Variants in SLC6A3 observed in about 807,000 individuals in gnomAD.
SLC6A3 encodes the protein solute carrier family 6 member 3.
In SLC6A3, 19 loss-of-function variants were observed where a neutral mutation model predicts 70.4. That is an observed-to-expected ratio of 0.27 (90% CI 0.19 to 0.40). The LOEUF (loss-of-function observed/expected upper bound fraction) is 0.40, where lower values mean the gene tolerates loss of function less well. Ranked by LOEUF, SLC6A3 falls within the 10% of genes least tolerant of loss-of-function variation. SLC6A3 has a pLI of 1.00. For missense variants in SLC6A3, 613 were observed against 838.5 expected, an observed-to-expected ratio of 0.73 and a Z score of 3.32; for synonymous variants, 368 against 356.6, an observed-to-expected ratio of 1.03 and a Z score of -0.36.
Position 1,421,813 on chromosome 5 carries a change from C to T in SLC6A3, c.792+63G>A, listed in dbSNP as rs1048540955. ...CACACGTGCACCTCCTGTCCAGCCA[C>T]GGCCACATGTCCACTTGGTGGCCCC... On this transcript the variant is annotated intron_variant, in intron 5 of 14. Coordinates refer to ENST00000270349, the MANE Select transcript of SLC6A3 (RefSeq NM_001044.5). This position sits in a 1 kb window ranked among gnomAD's most constrained non-coding sequence, Gnocchi z 7.2. 1.8e-5 allele frequency: 29 copies of T among 1,580,200 alleles called. No individual in the cohort carries two copies. The highest frequency in any genetic ancestry group is 6.7e-5 in the African/African-American group (5 of 74,308).
rs59814117 is a variant in SLC6A3, at chr5:1,411,594, C to T, written c.1157-239G>A. The stretch of plus-strand genomic sequence containing the variant: ...ATGCCCACCACCCAGCAATGGGGCT[C>T]CTCCAAATTACCTGGGTCCTTTTGG... On this transcript the variant is annotated intron_variant, in intron 8 of 14. Coordinates refer to ENST00000270349, the MANE Select transcript of SLC6A3 (RefSeq NM_001044.5). This position sits in a 1 kb window ranked among gnomAD's most constrained non-coding sequence, Gnocchi z 6.5. 1.9e-3 allele frequency among the ~76,000 whole-genome samples: 285 copies of T among 152,300 alleles called. No individual in the cohort carries two copies. The highest frequency in any genetic ancestry group is 9.8e-3 in the East Asian group (51 of 5,182).
At chr5:1,418,742 T>TCATCCATC (rs1382174037) in intron 6 of SLC6A3, among the ~76,000 whole-genome samples, 1 of 147,882 alleles carries the variant, frequency 6.8e-6, no homozygotes, top group African/African-American at 2.5e-5. Flanking sequence ...CACCCATCCA[T>TCATCCATC]CATCCATCCA....
At position 1,405,759 on chromosome 5, in the gene SLC6A3, G is replaced by A. The variant is rs1032051951; in HGVS notation, c.1599+429C>T. Among the ~76,000 whole-genome samples the A allele has an allele frequency of 2.6e-5, 4 of 152,250 alleles. No individual in the cohort carries two copies. In the South Asian group the frequency reaches 6.2e-4, roughly 24 times the overall value. On this transcript the variant is annotated intron_variant, in intron 12 of 14. Coordinates refer to ENST00000270349, the MANE Select transcript of SLC6A3 (RefSeq NM_001044.5). This position sits in a 1 kb window ranked among gnomAD's most constrained non-coding sequence, Gnocchi z 5.3. ...GCTGCTGAGCCAGAGGGAGGCTTGC[G>A]TGAGCAACGGGACAGGGCCGAGGCC...
rs142347092 is a variant in SLC6A3 at position 1,439,561 on chromosome 5, C to T, written c.418+1798G>A. ...GCCTGACCTCAGCAGCTGTGAAATG[C>T]CATCTGTTCCCTCTCCTAAGGGAGG... is the stretch of plus-strand genomic sequence containing the variant. On this transcript the variant is annotated intron_variant, in intron 3 of 14. Transcript: ENST00000270349. Among the ~76,000 whole-genome samples the T allele has an allele frequency of 8.8e-4, 134 of 152,342 alleles. 3 individuals carry two copies. In the East Asian group the frequency reaches 0.021, roughly 24 times the overall value.
At chr5:1,400,634 C>T (rs780168008) in intron 14 of SLC6A3, among the ~76,000 whole-genome samples, 3 of 152,188 alleles carry the variant, frequency 2.0e-5, no homozygotes, top group Non-Finnish European at 2.9e-5. Flanking sequence ...GCACTGCTCC[C>T]GTGGTCTGGG....
chr5:1,420,649 G>A lies in SLC6A3; in HGVS notation c.847C>T (p.Arg283Cys), dbSNP rs1048009481. 3 of 1,613,526 alleles carry A rather than the reference G, an allele frequency of 1.9e-6. No individual in the cohort carries two copies. The highest frequency in any genetic ancestry group is 1.7e-6 in the Non-Finnish European group (2 of 1,179,854). The change falls in exon 6 of 15, where the codon CGT (arginine) becomes TGT (cysteine). Residue 283 changes from arginine to cysteine, a missense_variant. Coordinates refer to ENST00000270349, the MANE Select transcript of SLC6A3 (RefSeq NM_001044.5). ...ATGGCTCCAGGGAGGGTGACCCCAC[G>A]CAGGAGCAGGGCAGTGAGGACCACG... Reference protein sequence around the residue: ...PYVVLTALLLRGVTLPGAIDG... With the variant: ...PYVVLTALLLCGVTLPGAIDG...
In SLC6A3 at chr5:1,436,137, A is replaced by C. The variant is rs916994868; in HGVS notation, c.419-3439T>G. Among the ~76,000 whole-genome samples the C allele has an allele frequency of 6.6e-6, 1 of 152,138 alleles. No individual in the cohort carries two copies. Among genetic ancestry groups the C allele is most frequent in the Non-Finnish European group, 1.5e-5 (1 of 68,036 alleles). Reference sequence around the variant, plus strand: ...TTGAACGGTAGTGGCCACTGTCAGCACTGGCCAGGCATTCGGTTGCTCCAA... The same window carrying C: ...TTGAACGGTAGTGGCCACTGTCAGCCCTGGCCAGGCATTCGGTTGCTCCAA... On this transcript the variant is annotated intron_variant, in intron 3 of 14. Coordinates refer to ENST00000270349, the MANE Select transcript of SLC6A3 (RefSeq NM_001044.5). The surrounding 1 kb of genome is among the most constrained non-coding windows in gnomAD (Gnocchi z 5.2).
chr5:1,437,525 C>G lies in SLC6A3; in HGVS notation c.418+3834G>C, dbSNP rs577497083. On this transcript the variant is annotated intron_variant, in intron 3 of 14. Transcript: ENST00000270349. The surrounding 1 kb of genome is among the most constrained non-coding windows in gnomAD (Gnocchi z 4.8). ...CGGAGAGTTTTAAAGACCCACCTCT[C>G]AGGACCCTGGGGTGCACTGCGGGGC... Among the ~76,000 whole-genome samples, 1 of 152,162 alleles carries G rather than the reference C, an allele frequency of 6.6e-6. No individual in the cohort carries two copies. The highest frequency in any genetic ancestry group is 1.5e-5 in the Non-Finnish European group (1 of 68,012).
chr5:1,397,596 G>A lies in SLC6A3; in HGVS notation c.1840-2838C>T, dbSNP rs1258847398. Among the ~76,000 whole-genome samples, 4 of 152,118 alleles carry A rather than the reference G, an allele frequency of 2.6e-5. No homozygotes were observed. The highest frequency in any genetic ancestry group is 2.1e-4 in the South Asian group (1 of 4,816). On this transcript the variant is annotated intron_variant, in intron 14 of 14. Coordinates refer to ENST00000270349, the MANE Select transcript of SLC6A3 (RefSeq NM_001044.5). The surrounding 1 kb of genome is among the most constrained non-coding windows in gnomAD (Gnocchi z 4.7). ...AGGCCACACATCTCAGCACAGCCAC[G>A]GAACACTGCTGCCTCCAAAACGCAG...
chr5:1,411,899 A>G lies in SLC6A3; in HGVS notation c.1157-544T>C, dbSNP rs111317922. On this transcript the variant is annotated intron_variant, in intron 8 of 14. Coordinates refer to ENST00000270349, the MANE Select transcript of SLC6A3 (RefSeq NM_001044.5). The surrounding 1 kb of genome is among the most constrained non-coding windows in gnomAD (Gnocchi z 6.5). ...ACATACACACTCAGACACACATACC[A>G]TGCAATATACACACACAGACACATG... Among the ~76,000 whole-genome samples the G allele has an allele frequency of 0.043, 6,498 of 149,904 alleles. 458 individuals carry two copies. Among genetic ancestry groups the G allele is most frequent in the African/African-American group, 0.15 (6,106 of 39,440 alleles).
At chr5:1,433,151 G>A (rs993951576) in intron 3 of SLC6A3, among the ~76,000 whole-genome samples, 3 of 152,102 alleles carry the variant, frequency 2.0e-5, no homozygotes, top group African/African-American at 7.2e-5. Context: ...GGGGTACTCT[G>A]GGTGACCCAG....
At chr5:1,424,400 G>A (rs1037503598) in intron 4 of SLC6A3, among the ~76,000 whole-genome samples, 2 of 152,110 alleles carry the variant, frequency 1.3e-5, no homozygotes, top group Non-Finnish European at 2.9e-5. Context: ...CCCCAGCAAG[G>A]TCTCATCACT....
At position 1,413,587 on chromosome 5, in the gene SLC6A3, T is replaced by A. The variant is rs1006471310; in HGVS notation, c.1156+1104A>T. ...TGAGCACAATCATTCCTCACAAATG[T>A]AGTGCCCCCACCCCACCCCCGGAGA... On this transcript the variant is annotated intron_variant, in intron 8 of 14. Transcript: ENST00000270349. This position sits in a 1 kb window ranked among gnomAD's most constrained non-coding sequence, Gnocchi z 7.1. Among the ~76,000 whole-genome samples the A allele has an allele frequency of 1.2e-4, 19 of 152,154 alleles. No homozygotes were observed. Among genetic ancestry groups the A allele is most frequent in the African/African-American group, 4.3e-4 (18 of 41,444 alleles).
rs1756874090 is a variant in SLC6A3 at position 1,437,806 on chromosome 5, C to T, written c.418+3553G>A. 6.6e-6 allele frequency among the ~76,000 whole-genome samples: 1 copy of T among 152,258 alleles called. No homozygotes were observed. Among genetic ancestry groups the T allele is most frequent in the Non-Finnish European group, 1.5e-5 (1 of 68,044 alleles). ...TTCCCCCATGGAATTGCCACCTGCTCAGGGCTGGATGGCCTTTTAGCTCCA... is the reference window on the plus strand; with the variant it reads ...TTCCCCCATGGAATTGCCACCTGCTTAGGGCTGGATGGCCTTTTAGCTCCA... On this transcript the variant is annotated intron_variant, in intron 3 of 14. Coordinates refer to ENST00000270349, the MANE Select transcript of SLC6A3 (RefSeq NM_001044.5). The surrounding 1 kb of genome is among the most constrained non-coding windows in gnomAD (Gnocchi z 4.8).
chr5:1,443,770 G>A (rs1375862044), intron 1 of SLC6A3, among the ~76,000 whole-genome samples: 2 of 151,994 alleles, frequency 1.3e-5, no homozygotes, highest in East Asian at 3.8e-4. Flanking sequence ...CTAGGTTCAA[G>A]TGATCCTTGC....
intron 1 of SLC6A3, 87 bp from the exon 2 acceptor site, chr5:1,443,329 A>T (rs1171487129): frequency 9.5e-7 from 1 of 1,049,840 alleles, no homozygotes. Context: ...CGGAGGGCAG[A>T]GCCCCGAGGC....
chr5:1,420,516 TG>T (rs1756407814), intron 6 of SLC6A3, 52 bp downstream of exon 6: 5 of 1,608,800 alleles, frequency 3.1e-6, no homozygotes, highest in Admixed American at 3.3e-5. Flanking sequence ...TATGGAAACC[TG>T]GGAATGCCAG....
rs936157398 is a variant in SLC6A3 at position 1,394,305 on chromosome 5, G to C, written c.*430C>G. ...GCTTTTTAATATGGGCAAAGTAAAT[G>C]GTCTAGGAAGCTACTGTGAGCACGG... On this transcript the variant is annotated 3_prime_UTR_variant, in exon 15 of 15. Transcript: ENST00000270349. This position sits in a 1 kb window ranked among gnomAD's most constrained non-coding sequence, Gnocchi z 4.7. The C allele has an allele frequency of 2.8e-4, 74 of 266,376 alleles. No homozygotes were observed. The highest frequency in any genetic ancestry group is 4.8e-4 in the Admixed American group (10 of 20,890). The allele number at this position is 266,376 out of a possible 1,614,324, so 16.5% of individuals were successfully genotyped here.
chr5:1,407,347 G>T (rs1233380086), intron 11 of SLC6A3, among the ~76,000 whole-genome samples: 1 of 151,940 alleles, frequency 6.6e-6, no homozygotes, highest in Non-Finnish European at 1.5e-5. Context: ...GACGTGGGAG[G>T]CAGCGGGGAT....
Sources: allele counts gnomAD v4.1 joint callset (sites outside exome capture counted in the v4.1 genomes callset), GRCh38; gene constraint gnomAD v4.1.1; non-coding constraint Gnocchi (gnomAD v3.1); transcripts MANE v1.5; gene names NCBI Gene and HGNC (gene_info 2026-07-23, HGNC 2026-07-21).